GGA1: variants seen among roughly 807,000 people sequenced by gnomAD.
The protein encoded by GGA1 is golgi associated, gamma adaptin ear containing, ARF binding protein 1.
GGA1 carries 18 observed loss-of-function variants against 76.9 expected under a neutral mutation model. The ratio of observed to expected loss-of-function variants is 0.23; its 90% CI spans 0.16 to 0.35. The LOEUF (loss-of-function observed/expected upper bound fraction) is 0.35. Ranked by LOEUF, GGA1 falls within the 10% of genes least tolerant of loss-of-function variation. The probability of loss-of-function intolerance (pLI) is 1.00; values close to 1 mark genes in which losing one functional copy is unlikely to be tolerated. For synonymous variants in GGA1, 342 were observed against 354.7 expected (o/e 0.96, Z 0.40); for missense variants, 755 against 859.0 (o/e 0.88, Z 1.51).
chr22:37,624,943 G>A lies in GGA1; in HGVS notation c.833-26G>A. 6.4e-7 allele frequency: 1 copy of A among 1,557,692 alleles called. No homozygotes were observed. Among genetic ancestry groups the A allele is most frequent in the African/African-American group, 1.4e-5 (1 of 73,726 alleles). On this transcript the variant is annotated intron_variant, in intron 9 of 16. Coordinates refer to ENST00000343632, the MANE Select transcript of GGA1 (RefSeq NM_013365.5). This position sits in a 1 kb window ranked among gnomAD's most constrained non-coding sequence, Gnocchi z 4.3. ...AGAGGCCCCCACAGTCCTTCAGCCT[G>A]GCCTCTCCCCTCCTGCCTGTTCCAG...
chr22:37,617,367 C>T (rs932814411), intron 3 of GGA1: 13 of 1,127,566 alleles, frequency 1.2e-5, no homozygotes, highest in African/African-American at 1.7e-5. Context: ...GAGATCTGCA[C>T]GTTTGTAAAG....
rs1233344437 is a variant in GGA1, at chr22:37,633,360, A to AG, written c.*652dup. 1 of 150,438 alleles carries AG rather than the reference A, an allele frequency of 6.6e-6. No homozygotes were observed. Among genetic ancestry groups the AG allele is most frequent in the African/African-American group, 2.5e-5 (1 of 40,710 alleles). The allele number at this position is 150,438 out of a possible 1,614,324, so 9.3% of individuals were successfully genotyped here. A position where few individuals can be genotyped will look rare whatever the true frequency, so the allele number is the denominator to read the frequency against. On this transcript the variant is annotated 3_prime_UTR_variant, in exon 17 of 17. Transcript: ENST00000343632. ...CCCCCTGAGGGACTGTGGGGGCTCAAGGGTAATGCCAGAGGCCCATGGCCC... is the reference window on the plus strand; with the variant it reads ...CCCCCTGAGGGACTGTGGGGGCTCAAGGGGTAATGCCAGAGGCCCATGGCCC...
intron 1 of GGA1, among the ~76,000 whole-genome samples, chr22:37,611,812 G>A (rs1182548731): frequency 6.6e-6 from 1 of 152,240 alleles, no homozygotes; most frequent in Non-Finnish European, 1.5e-5. Context: ...ATCGAGCTCT[G>A]GCTGCCGCCA....
intron 1 of GGA1, chr22:37,613,019 C>T: frequency 1.0e-6 from 1 of 985,438 alleles, no homozygotes; most frequent in South Asian, 4.7e-5. Context: ...CATTCATTTG[C>T]CAAGGGGAGA....
intron 2 of GGA1, among the ~76,000 whole-genome samples, chr22:37,615,819 T>TG (rs961185491): frequency 2.0e-5 from 3 of 151,358 alleles, no homozygotes; most frequent in African/African-American, 4.9e-5. Context: ...GACTGTCCAG[T>TG]GGGGGGTTGG....
Position 37,625,130 on chromosome 22 carries a change from G to A in GGA1, c.940+54G>A. On this transcript the variant is annotated intron_variant, in intron 10 of 16. Transcript: ENST00000343632. The surrounding 1 kb of genome is among the most constrained non-coding windows in gnomAD (Gnocchi z 4.1). ...GCACCCATCAGGCTGGAGGGGCACA[G>A]AGAGTGCAGGGTGGTGTGCTGGTCT... The A allele has an allele frequency of 6.9e-7, 1 of 1,444,362 alleles. No homozygotes were observed. The highest frequency in any genetic ancestry group is 9.5e-7 in the Non-Finnish European group (1 of 1,050,862). 89.5% of individuals were successfully genotyped at this position (1,444,362 alleles called of 1,614,324 possible).
At position 37,625,089 on chromosome 22, in the gene GGA1, C is replaced by A. The variant is rs768157595; in HGVS notation, c.940+13C>A. 1.1e-5 allele frequency: 17 copies of A among 1,573,856 alleles called. No homozygotes were observed. The highest frequency in any genetic ancestry group is 4.5e-4 in the Middle Eastern group (2 of 4,438). ...GGCTCCATCCCTGGTGAGGAGGTGG[C>A]AGGAGAGCTGGGAGGGCACCCATCA... On this transcript the variant is annotated intron_variant, in intron 10 of 16. Coordinates refer to ENST00000343632, the MANE Select transcript of GGA1 (RefSeq NM_013365.5). This position sits in a 1 kb window ranked among gnomAD's most constrained non-coding sequence, Gnocchi z 4.1.
intron 3 of GGA1, 177 bp from the exon 4 acceptor site, chr22:37,618,271 T>C (rs998425872): frequency 5.1e-5 from 30 of 585,564 alleles, no homozygotes; most frequent in Admixed American, 2.9e-5. Flanking sequence ...CTATCTCCCA[T>C]GGGAGTGATG....
At chr22:37,614,069 GC>G in intron 1 of GGA1, 120 bp from the exon 2 acceptor site, 1 of 729,384 alleles carries the variant, frequency 1.4e-6, no homozygotes, top group East Asian at 2.5e-5. Context: ...CAGGGGGAGA[GC>G]TTTCCCACGT....
intron 1 of GGA1, 24 bp from the exon 2 acceptor site, chr22:37,614,166 A>G (rs368633857): frequency 1.5e-5 from 24 of 1,557,878 alleles, no homozygotes; most frequent in South Asian, 4.4e-5. Flanking sequence ...CCGGGCCACA[A>G]TGACCCCAGC....
At chr22:37,609,326 T>C (rs1277889911) in intron 1 of GGA1, 3 of 1,101,426 alleles carry the variant, frequency 2.7e-6, no homozygotes, top group Admixed American at 1.2e-4. Flanking sequence ...AATCCTCCAC[T>C]CTCTGGCCCT....
chr22:37,608,974 CG>C, intron 1 of GGA1, 71 bp downstream of exon 1: 2 of 1,319,038 alleles, frequency 1.5e-6, no homozygotes, highest in Non-Finnish European at 1.9e-6. Flanking sequence ...CCCTTCCCGG[CG>C]GGGGCGGGGT....
In GGA1 at chr22:37,631,018, C is replaced by A. The variant is rs369421250; in HGVS notation, c.1447C>A (p.Pro483Thr). Reference protein sequence around the residue: ...TSLLHTVSPEPPRPPQQPVPT... With the variant: ...TSLLHTVSPETPRPPQQPVPT... ...CCTTCTCCACACCGTGTCCCCAGAGCCCCCCAGGCCTCCGCAGCAGCCCGT... is the reference window on the plus strand; with the variant it reads ...CCTTCTCCACACCGTGTCCCCAGAGACCCCCAGGCCTCCGCAGCAGCCCGT... Residue 483 changes from proline (P) to threonine (T), a missense_variant, in exon 14 of 17, where the codon CCC becomes ACC. Physicochemically the swap from Pro to Thr is conservative, Grantham distance 38 (BLOSUM62 -1). Coordinates refer to ENST00000343632, the MANE Select transcript of GGA1 (RefSeq NM_013365.5). 11 of 1,612,730 alleles carry A rather than the reference C, an allele frequency of 6.8e-6. No homozygotes were observed. Among genetic ancestry groups the A allele is most frequent in the African/African-American group, 1.3e-5 (1 of 74,872 alleles).
chr22:37,621,552 A>T, intron 6 of GGA1, 64 bp from the exon 7 acceptor site: 1 of 988,690 alleles, frequency 1.0e-6, no homozygotes, highest in South Asian at 1.4e-5. Flanking sequence ...CCATCATGTG[A>T]CTCCAGTCTT....
chr22:37,631,350 G>A (rs1931772902), intron 14 of GGA1, among the ~76,000 whole-genome samples: 1 of 152,192 alleles, frequency 6.6e-6, no homozygotes, highest in Non-Finnish European at 1.5e-5. Flanking sequence ...TAGGCTCTGG[G>A]CCCCTTCCAT....
chr22:37,623,588 C>A lies in GGA1; in HGVS notation c.787C>A (p.Leu263Ile). The A allele has an allele frequency of 2.5e-6, 4 of 1,606,092 alleles. No homozygotes were observed. Among genetic ancestry groups the A allele is most frequent in the Non-Finnish European group, 3.4e-6 (4 of 1,176,256 alleles). Residue 263 changes from leucine (L) to isoleucine (I), a missense_variant, in exon 9 of 17, where the codon CTC becomes ATC. Physicochemically the swap from Leu to Ile is conservative, Grantham distance 5. Transcript: ENST00000343632. The surrounding 1 kb of genome is among the most constrained non-coding windows in gnomAD (Gnocchi z 4.6). The part of the protein sequence containing the change: ...YQRCERMRPT[L>I]FRLASDTEDN... Reference sequence around the variant, plus strand: ...GCGCTGTGAGCGGATGCGGCCCACGCTCTTCCGACTGGCGAGTGACACAGA... The same window carrying A: ...GCGCTGTGAGCGGATGCGGCCCACGATCTTCCGACTGGCGAGTGACACAGA...
intron 1 of GGA1, chr22:37,610,455 T>G (rs750373353): frequency 6.6e-6 from 1 of 152,340 alleles, no homozygotes; most frequent in East Asian, 1.9e-4. Context: ...GTGATTCTCC[T>G]GTCTCAGCCT....
At position 37,629,979 on chromosome 22, in the gene GGA1, T is replaced by C; in HGVS notation, c.1159-19T>C. ...CCTCTCTAGACAGCCCCACCCCACCTGCATCCTTTTCCCCACAGTCGTCGG... is the reference window on the plus strand; with the variant it reads ...CCTCTCTAGACAGCCCCACCCCACCCGCATCCTTTTCCCCACAGTCGTCGG... On this transcript the variant is annotated intron_variant, in intron 12 of 16. Transcript: ENST00000343632. 6.6e-7 allele frequency: 1 copy of C among 1,515,298 alleles called. No homozygotes were observed. Among genetic ancestry groups the C allele is most frequent in the Non-Finnish European group, 8.9e-7 (1 of 1,120,322 alleles). 93.9% of individuals were successfully genotyped at this position (1,515,298 alleles called of 1,614,324 possible). A position where few individuals can be genotyped will look rare whatever the true frequency, so the allele number is the denominator to read the frequency against.
rs371064922 is a variant in GGA1 at position 37,632,572 on chromosome 22, C to T, written c.1810-29C>T. The T allele has an allele frequency of 2.5e-6, 4 of 1,586,048 alleles. No individual in the cohort carries two copies. The African/African-American group carries it at 5.4e-5, about 21-fold the overall frequency. Reference sequence around the variant, plus strand: ...GGGACGGCCACTTCTCCTCCTCTGACCCCTCTGCCTTTGCCATCTCTTCCC... The same window carrying T: ...GGGACGGCCACTTCTCCTCCTCTGATCCCTCTGCCTTTGCCATCTCTTCCC... On this transcript the variant is annotated intron_variant, in intron 16 of 16. Coordinates refer to ENST00000343632, the MANE Select transcript of GGA1 (RefSeq NM_013365.5). This position sits in a 1 kb window ranked among gnomAD's most constrained non-coding sequence, Gnocchi z 5.1.
Sources: gnomAD v4.1 joint callset for allele counts (sites outside exome capture counted in the v4.1 genomes callset) on GRCh38, gnomAD v4.1.1 for gene constraint, Gnocchi (gnomAD v3.1) non-coding constraint, MANE v1.5 for transcripts, NCBI Gene and HGNC (gene_info 2026-07-23, HGNC 2026-07-21) for gene names.